The following PROSER2 variants were observed in gnomAD, a reference collection of about 807,000 sequenced individuals.
PROSER2 encodes proline and serine-rich protein 2.
In PROSER2, 18 loss-of-function variants were observed where a neutral mutation model predicts 14.6. The ratio of observed to expected loss-of-function variants is 1.23; its 90% CI spans 0.85 to 1.83. The LOEUF (loss-of-function observed/expected upper bound fraction) is 1.83, where lower values mean the gene tolerates loss of function less well. Ranked by LOEUF, PROSER2 falls within the 40% of genes most tolerant of loss-of-function variation. PROSER2 has a pLI of 0.00. For synonymous variants in PROSER2, 367 were observed against 286.4 expected (o/e 1.28, Z -2.84); for missense variants, 823 against 629.8 (o/e 1.31, Z -3.28).
chr10:11,869,413 C>G lies in PROSER2; in HGVS notation c.392-77C>G. 8.9e-7 allele frequency: 1 copy of G among 1,120,812 alleles called. No homozygotes were observed. The highest frequency in any genetic ancestry group is 1.3e-6 in the Non-Finnish European group (1 of 743,096). The allele number at this position is 1,120,812 out of a possible 1,614,324, so 69.4% of individuals were successfully genotyped here. A position where few individuals can be genotyped will look rare whatever the true frequency, so the allele number is the denominator to read the frequency against. On this transcript the variant is annotated intron_variant, in intron 3 of 3. Transcript: ENST00000277570. This position sits in a 1 kb window ranked among gnomAD's most constrained non-coding sequence, Gnocchi z 4.4. ...GTCAGGTCCAGGTTGAGGCTCTTTTCAGTTCAGCGAGAGGGAACTTCATGC... is the reference window on the plus strand; with the variant it reads ...GTCAGGTCCAGGTTGAGGCTCTTTTGAGTTCAGCGAGAGGGAACTTCATGC...
At chr10:11,868,853 G>C (rs574780032) in intron 3 of PROSER2, among the ~76,000 whole-genome samples, 10 of 152,116 alleles carry the variant, frequency 6.6e-5, no homozygotes, top group Non-Finnish European at 1.3e-4. Context: ...GTTTCACCAC[G>C]TTGGCCAGGC....
intron 1 of PROSER2, among the ~76,000 whole-genome samples, chr10:11,840,049 C>G (rs1317624077): frequency 6.6e-6 from 1 of 151,266 alleles, no homozygotes; most frequent in East Asian, 2.0e-4. Context: ...GCCTCCCAGT[C>G]TCAAGTGATT....
intron 2 of PROSER2, among the ~76,000 whole-genome samples, chr10:11,863,983 T>A (rs1469977006): frequency 1.3e-5 from 2 of 152,144 alleles, no homozygotes; most frequent in Non-Finnish European, 2.9e-5. Context: ...ATTCTGGGAT[T>A]CCCTGCAGCT....
At chr10:11,848,963 C>T (rs1456644906) in intron 1 of PROSER2, among the ~76,000 whole-genome samples, 4 of 151,844 alleles carry the variant, frequency 2.6e-5, no homozygotes, top group African/African-American at 7.3e-5. Flanking sequence ...CCGAGGCGGG[C>T]GGATCACAAG....
chr10:11,841,897 T>A (rs1833850329), intron 1 of PROSER2, among the ~76,000 whole-genome samples: 1 of 152,196 alleles, frequency 6.6e-6, no homozygotes, highest in Non-Finnish European at 1.5e-5. Flanking sequence ...CTTCCCATTA[T>A]ATTGTTTAAG....
In PROSER2 at chr10:11,870,509, C is replaced by A; in HGVS notation, c.*103C>A. 9.8e-7 allele frequency: 1 copy of A among 1,024,620 alleles called. No individual in the cohort carries two copies. The highest frequency in any genetic ancestry group is 1.3e-6 in the Non-Finnish European group (1 of 747,298). The allele number at this position is 1,024,620 out of a possible 1,614,324, so 63.5% of individuals were successfully genotyped here. On this transcript the variant is annotated 3_prime_UTR_variant, in exon 4 of 4. Coordinates refer to ENST00000277570, the MANE Select transcript of PROSER2 (RefSeq NM_153256.4). ...GTTTGGTCTAAAATGGAAGTGACAG[C>A]GGGAGCCCCTGCCCTCTGTGGCACA...
chr10:11,825,066 A>C (rs922747891), intron 1 of PROSER2, among the ~76,000 whole-genome samples: 4 of 152,230 alleles, frequency 2.6e-5, no homozygotes, highest in African/African-American at 7.2e-5. Flanking sequence ...GCAAGCCTTC[A>C]TCGGCAGCTG....
At chr10:11,842,574 T>C (rs1564304612) in intron 1 of PROSER2, among the ~76,000 whole-genome samples, 2 of 152,228 alleles carry the variant, frequency 1.3e-5, no homozygotes, top group Non-Finnish European at 2.9e-5. Context: ...GTTTCAGCTC[T>C]GCCTTGTAGT....
rs1834446966 is a variant in PROSER2 at position 11,870,095 on chromosome 10, G to T, written c.997G>T (p.Gly333Cys). The change falls in exon 4 of 4, where the codon GGT (glycine) becomes TGT (cysteine). Residue 333 changes from glycine to cysteine, a missense_variant. Physicochemically the swap from Gly to Cys is radical, Grantham distance 159. Coordinates refer to ENST00000277570, the MANE Select transcript of PROSER2 (RefSeq NM_153256.4). Reference protein sequence around the residue: ...PGPAESLRAGGQAPRGPALAN... With the variant: ...PGPAESLRAGCQAPRGPALAN... ...CCCCGCTGAGAGTCTCCGGGCAGGG[G>T]GTCAGGCTCCGCGGGGCCCGGCGCT... 1 of 1,305,732 alleles carries T rather than the reference G, an allele frequency of 7.7e-7. No homozygotes were observed. The highest frequency in any genetic ancestry group is 9.7e-7 in the Non-Finnish European group (1 of 1,028,616). 80.9% of individuals were successfully genotyped at this position (1,305,732 alleles called of 1,614,324 possible).
At position 11,856,744 on chromosome 10, in the gene PROSER2, C is replaced by CT. The variant is rs746656359; in HGVS notation, c.138+4531dup. 6.6e-6 allele frequency among the ~76,000 whole-genome samples: 1 copy of CT among 152,226 alleles called. No individual in the cohort carries two copies. Among genetic ancestry groups the CT allele is most frequent in the Non-Finnish European group, 1.5e-5 (1 of 68,044 alleles). ...TGAGCCACCCTGTTGCTCCAGAGCA[C>CT]TTGACACCTTTGGCCCCACACATGG... is the stretch of plus-strand genomic sequence containing the variant. On this transcript the variant is annotated intron_variant, in intron 2 of 3. Transcript: ENST00000277570. This position sits in a 1 kb window ranked among gnomAD's most constrained non-coding sequence, Gnocchi z 5.3.
chr10:11,840,937 AAAAAAAAAAAAAAAAAAAATATATATAT>A (rs1833829467), intron 1 of PROSER2, among the ~76,000 whole-genome samples: 1 of 69,600 alleles, frequency 1.4e-5, no homozygotes. Context: ...AAAAAAAAAA[AAAAAAAAAAAAAAAAAAAATATATATAT>A]ATATATATAT....
chr10:11,854,260 C>G (rs551249988), intron 2 of PROSER2, among the ~76,000 whole-genome samples: 4 of 152,182 alleles, frequency 2.6e-5, no homozygotes, highest in Admixed American at 6.5e-5. Context: ...TTAGAACTAG[C>G]AAAATGAGAA....
At chr10:11,850,766 C>T (rs1046649492) in intron 1 of PROSER2, 4 of 152,190 alleles carry the variant, frequency 2.6e-5, no homozygotes, top group African/African-American at 9.7e-5. Context: ...ATGACAGGTT[C>T]CCCTAAAGGT....
rs992841833 is a variant in PROSER2 at position 11,833,017 on chromosome 10, AT to A, written c.-82+9553del. Among the ~76,000 whole-genome samples, 8 of 151,074 alleles carry A rather than the reference AT, an allele frequency of 5.3e-5. No homozygotes were observed. In the South Asian group the frequency reaches 1.0e-3, roughly 20 times the overall value. ...GCCACCATGCCCGGCTAATTTTTGT[AT>A]TTTTTGGTAGAGACAGCATTTCACC... is the stretch of plus-strand genomic sequence containing the variant. On this transcript the variant is annotated intron_variant, in intron 1 of 3. Coordinates refer to ENST00000277570, the MANE Select transcript of PROSER2 (RefSeq NM_153256.4).
Position 11,866,208 on chromosome 10 carries a change from T to C in PROSER2, c.139-323T>C, listed in dbSNP as rs888954640. ...TTTCCCGTGATTATGGAAAAACAAG[T>C]GTGTTGGATAGCCGTAGGCTGACTG... is the stretch of plus-strand genomic sequence containing the variant. On this transcript the variant is annotated intron_variant, in intron 2 of 3. Coordinates refer to ENST00000277570, the MANE Select transcript of PROSER2 (RefSeq NM_153256.4). This position sits in a 1 kb window ranked among gnomAD's most constrained non-coding sequence, Gnocchi z 6.0. Among the ~76,000 whole-genome samples the C allele has an allele frequency of 6.6e-6, 1 of 152,106 alleles. No homozygotes were observed. Among genetic ancestry groups the C allele is most frequent in the Admixed American group, 6.6e-5 (1 of 15,264 alleles).
chr10:11,841,520 C>A (rs1329535282), intron 1 of PROSER2, among the ~76,000 whole-genome samples: 1 of 152,136 alleles, frequency 6.6e-6, no homozygotes, highest in African/African-American at 2.4e-5. Context: ...TTTCAGCCTT[C>A]TTGCCTAATG....
rs2045880534 is a variant in PROSER2 at position 11,830,089 on chromosome 10, T to C, written c.-82+6619T>C. The stretch of plus-strand genomic sequence containing the variant: ...AACTCCTGAGCTCAAGTGATTCACC[T>C]ACCTCAGCCTCCCAAAGTGCCGGGA... On this transcript the variant is annotated intron_variant, in intron 1 of 3. Transcript: ENST00000277570. The surrounding 1 kb of genome is among the most constrained non-coding windows in gnomAD (Gnocchi z 4.5). Among the ~76,000 whole-genome samples, 1 of 152,028 alleles carries C rather than the reference T, an allele frequency of 6.6e-6. No individual in the cohort carries two copies. Among genetic ancestry groups the C allele is most frequent in the African/African-American group, 2.4e-5 (1 of 41,412 alleles).
In PROSER2 at chr10:11,866,848, T is replaced by C. The variant is rs1029685388; in HGVS notation, c.391+65T>C. The C allele has an allele frequency of 1.3e-6, 2 of 1,529,802 alleles. No homozygotes were observed. The highest frequency in any genetic ancestry group is 1.8e-6 in the Non-Finnish European group (2 of 1,140,506). 94.8% of individuals were successfully genotyped at this position (1,529,802 alleles called of 1,614,324 possible). A position where few individuals can be genotyped will look rare whatever the true frequency, so the allele number is the denominator to read the frequency against. On this transcript the variant is annotated intron_variant, in intron 3 of 3. Coordinates refer to ENST00000277570, the MANE Select transcript of PROSER2 (RefSeq NM_153256.4). The surrounding 1 kb of genome is among the most constrained non-coding windows in gnomAD (Gnocchi z 6.0). ...TGGTGTCTGTGAGACCCAGAGATACTTCTTTTGTGTTCCCCTGTGTTTGCC... is the reference window on the plus strand; with the variant it reads ...TGGTGTCTGTGAGACCCAGAGATACCTCTTTTGTGTTCCCCTGTGTTTGCC...
chr10:11,865,689 T>C lies in PROSER2; in HGVS notation c.139-842T>C, dbSNP rs1169295679. On this transcript the variant is annotated intron_variant, in intron 2 of 3. Transcript: ENST00000277570. This position sits in a 1 kb window ranked among gnomAD's most constrained non-coding sequence, Gnocchi z 4.2. Reference sequence around the variant, plus strand: ...AGTCCTCCATCTGGAGGGCGGTCACTTGGCTGCACTGACAGCCCACACTGT... The same window carrying C: ...AGTCCTCCATCTGGAGGGCGGTCACCTGGCTGCACTGACAGCCCACACTGT... 6.6e-6 allele frequency among the ~76,000 whole-genome samples: 1 copy of C among 152,214 alleles called. No individual in the cohort carries two copies. Among genetic ancestry groups the C allele is most frequent in the East Asian group, 1.9e-4 (1 of 5,200 alleles).
Sources: gnomAD v4.1 joint callset for allele counts (sites outside exome capture counted in the v4.1 genomes callset) on GRCh38, gnomAD v4.1.1 for gene constraint, Gnocchi (gnomAD v3.1) non-coding constraint, MANE v1.5 for transcripts, NCBI Gene and HGNC (gene_info 2026-07-23, HGNC 2026-07-21) for gene names.